L3MBTL3: variants seen among roughly 807,000 people sequenced by gnomAD.
The protein encoded by L3MBTL3 is L3MBTL histone methyl-lysine binding protein 3, also known as lethal(3)malignant brain tumor-like protein 3.
A neutral mutation model predicts 102.3 loss-of-function variants in L3MBTL3; 27 were observed. The observed-to-expected ratio is 0.26, with a 90% CI of 0.19 to 0.36. The LOEUF (loss-of-function observed/expected upper bound fraction) is 0.36, where lower values mean the gene tolerates loss of function less well. L3MBTL3 is among the 10% of genes least tolerant of loss of function. L3MBTL3 has a pLI of 1.00. For synonymous variants in L3MBTL3, 340 were observed against 320.9 expected (o/e 1.06, Z -0.64); for missense variants, 798 against 955.3 (o/e 0.84, Z 2.17).
intron 10 of L3MBTL3, among the ~76,000 whole-genome samples, chr6:130,060,816 C>G (rs112291033): frequency 9.9e-4 from 150 of 151,824 alleles, no homozygotes; most frequent in Admixed American, 2.6e-3. Context: ...GTGTTTCCTC[C>G]TATGCTAGCC....
chr6:130,034,115 G>A lies in L3MBTL3; in HGVS notation c.-15-8570G>A, dbSNP rs554702098. 7.9e-5 allele frequency among the ~76,000 whole-genome samples: 12 copies of A among 152,228 alleles called. No individual in the cohort carries two copies. In the South Asian group the frequency reaches 2.5e-3, roughly 32 times the overall value. ...TGAATATGCTGCAGGAACCCAGCTC[G>A]TAGGAGTCCCTGCTCCTCACTCTGA... On this transcript the variant is annotated intron_variant, in intron 2 of 22. Coordinates refer to ENST00000361794, the MANE Select transcript of L3MBTL3 (RefSeq NM_032438.4).
intron 12 of L3MBTL3, among the ~76,000 whole-genome samples, chr6:130,070,055 A>G (rs1782524975): frequency 6.6e-6 from 1 of 152,314 alleles, no homozygotes; most frequent in South Asian, 2.1e-4. Context: ...TGCCTAAAGT[A>G]GTTAGAATAA....
At chr6:130,043,508 C>G (rs1562260543) in intron 3 of L3MBTL3, among the ~76,000 whole-genome samples, 1 of 152,182 alleles carries the variant, frequency 6.6e-6, no homozygotes, top group Non-Finnish European at 1.5e-5. Flanking sequence ...ACCAACTACC[C>G]CCATCTCTCA....
At chr6:130,074,478 A>G (rs914791789) in intron 13 of L3MBTL3, among the ~76,000 whole-genome samples, 4 of 152,176 alleles carry the variant, frequency 2.6e-5, no homozygotes, top group African/African-American at 9.7e-5. Context: ...TATTGCCACT[A>G]GAAAGAACTT....
At chr6:130,020,601 G>T (rs1778938239) in intron 1 of L3MBTL3, 1 of 152,014 alleles carries the variant, frequency 6.6e-6, no homozygotes, top group Non-Finnish European at 1.5e-5. Context: ...GAGGGAGGTG[G>T]GGGTAACTAG....
In L3MBTL3 at chr6:130,044,814, T is replaced by C. The variant is rs548552656; in HGVS notation, c.102+2013T>C. Reference sequence around the variant, plus strand: ...GCTTCCTACTTAAAATCCAAGTTGCTTAAGAAATCTGATTAAGAAATTGAT... The same window carrying C: ...GCTTCCTACTTAAAATCCAAGTTGCCTAAGAAATCTGATTAAGAAATTGAT... On this transcript the variant is annotated intron_variant, in intron 3 of 22. Transcript: ENST00000361794. 5.3e-5 allele frequency among the ~76,000 whole-genome samples: 8 copies of C among 152,346 alleles called. 1 individual carries two copies. Among genetic ancestry groups the C allele is most frequent in the Admixed American group, 1.3e-4 (2 of 15,306 alleles).
chr6:130,117,863 CTTTTTTTTTT>C (rs56787867), intron 19 of L3MBTL3, among the ~76,000 whole-genome samples: 1 of 53,014 alleles, frequency 1.9e-5, no homozygotes, highest in Non-Finnish European at 3.4e-5. Flanking sequence ...GCACGCCTGA[CTTTTTTTTTT>C]TTTTTTTTTT....
At chr6:130,079,610 G>A (rs1021273949) in intron 14 of L3MBTL3, among the ~76,000 whole-genome samples, 25 of 152,194 alleles carry the variant, frequency 1.6e-4, no homozygotes, top group African/African-American at 6.0e-4. Flanking sequence ...CCTTACAGGA[G>A]TAATGAAGAT....
intron 18 of L3MBTL3, among the ~76,000 whole-genome samples, chr6:130,102,103 A>G (rs951158675): frequency 7.7e-5 from 10 of 130,604 alleles, no homozygotes; most frequent in South Asian, 2.4e-4. Flanking sequence ...CTCAGGGGGA[A>G]AAAAAAAAGG....
chr6:130,125,652 C>A (rs1374661995), intron 20 of L3MBTL3, among the ~76,000 whole-genome samples: 1 of 152,320 alleles, frequency 6.6e-6, no homozygotes, highest in Admixed American at 6.5e-5. Context: ...CTCTAGTGAA[C>A]CTACAGGTGC....
intron 9 of L3MBTL3, 30 bp from the exon 10 acceptor site, chr6:130,060,006 G>A: frequency 7.9e-7 from 1 of 1,262,330 alleles, no homozygotes; most frequent in South Asian, 1.2e-5. Context: ...TGGGATAAGG[G>A]ACTAAAACTG....
chr6:130,040,029 C>A (rs1271694894), intron 2 of L3MBTL3, among the ~76,000 whole-genome samples: 1 of 152,142 alleles, frequency 6.6e-6, no homozygotes, highest in East Asian at 1.9e-4. Flanking sequence ...TAATCTGTTA[C>A]ATTAAAATCT....
chr6:130,138,447 C>G (rs551606831), intron 22 of L3MBTL3: 1 of 152,412 alleles, frequency 6.6e-6, no homozygotes, highest in African/African-American at 2.4e-5. Flanking sequence ...CTCTTTGGGT[C>G]TTTACGTTGC....
At chr6:130,050,317 A>G (rs933146752) in intron 5 of L3MBTL3, among the ~76,000 whole-genome samples, 7 of 152,210 alleles carry the variant, frequency 4.6e-5, no homozygotes, top group South Asian at 2.1e-4. Flanking sequence ...CCTTCTTTGT[A>G]TGTTGTGTTC....
At chr6:130,125,981 A>G (rs1786575548) in intron 20 of L3MBTL3, among the ~76,000 whole-genome samples, 1 of 145,922 alleles carries the variant, frequency 6.9e-6, no homozygotes, top group African/African-American at 2.6e-5. Context: ...TGTTTAGTAC[A>G]GTAGAGTATG....
intron 12 of L3MBTL3, 195 bp from the exon 13 acceptor site, chr6:130,070,781 A>G (rs1001355541): frequency 2.1e-4 from 54 of 258,498 alleles, no homozygotes; most frequent in Non-Finnish European, 2.8e-4. Context: ...TAACAGTAGG[A>G]CCTTTTTTTT....
At chr6:130,117,302 T>G (rs1443163137) in intron 19 of L3MBTL3, among the ~76,000 whole-genome samples, 1 of 150,682 alleles carries the variant, frequency 6.6e-6, no homozygotes, top group Non-Finnish European at 1.5e-5. Context: ...GGACACGAAC[T>G]CATCATTTTT....
intron 13 of L3MBTL3, among the ~76,000 whole-genome samples, chr6:130,072,578 A>G (rs1010389839): frequency 6.6e-6 from 1 of 152,214 alleles, no homozygotes; most frequent in Admixed American, 6.5e-5. Context: ...TCTAACATAT[A>G]CAAAAGTAGA....
intron 19 of L3MBTL3, 72 bp from the exon 20 acceptor site, chr6:130,120,807 T>G (rs983518961): frequency 1.8e-6 from 2 of 1,088,148 alleles, no homozygotes; most frequent in African/African-American, 3.1e-5. Context: ...AAAGCACTTG[T>G]TGAGATGTAG....
Sources: gnomAD v4.1 joint callset for allele counts (sites outside exome capture counted in the v4.1 genomes callset) on GRCh38, gnomAD v4.1.1 for gene constraint, MANE v1.5 for transcripts, NCBI Gene and HGNC (gene_info 2026-07-23, HGNC 2026-07-21) for gene names.